The following YWHAZ variants were observed in gnomAD, a reference collection of about 807,000 sequenced individuals.
The protein encoded by YWHAZ is 14-3-3 protein zeta/delta.
For missense variants in YWHAZ, 79 were observed against 284.8 expected (o/e 0.28, Z 5.20); for synonymous variants, 87 against 103.6 (o/e 0.84, Z 0.97).
chr8:100,944,896 A>C (rs565400054), intron 2 of YWHAZ, among the ~76,000 whole-genome samples: 2 of 152,250 alleles, frequency 1.3e-5, no homozygotes, highest in South Asian at 4.1e-4. Context: ...AACTAGTTTG[A>C]CTCAGTATCT....
At chr8:100,921,267 G>C (rs1813007072) in intron 5 of YWHAZ, among the ~76,000 whole-genome samples, 1 of 152,122 alleles carries the variant, frequency 6.6e-6, no homozygotes, top group Admixed American at 6.5e-5. Flanking sequence ...CTGATCTCGT[G>C]ATCCACCCAC....
chr8:100,931,476 A>G (rs1157700542), intron 2 of YWHAZ, among the ~76,000 whole-genome samples: 1 of 152,188 alleles, frequency 6.6e-6, no homozygotes, highest in African/African-American at 2.4e-5. Flanking sequence ...GCTGGTGGCA[A>G]GACTTTAACC....
At chr8:100,952,912 AG>A, upstream of YWHAZ, 1 of 1,000,406 alleles carries the variant, frequency 1.0e-6, no homozygotes, top group Non-Finnish European at 1.2e-6. Flanking sequence ...TGAGGCGTCC[AG>A]CCCCTGAGTG....
intron 2 of YWHAZ, among the ~76,000 whole-genome samples, chr8:100,934,157 CAAAAAAAAAAAAAAAAA>C (rs35069019): frequency 1.3e-5 from 1 of 78,228 alleles, no homozygotes; most frequent in African/African-American, 4.9e-5. Flanking sequence ...AGACTCGTCT[CAAAAAAAAAAAAAAAAA>C]AAAAAAAAAA....
intron 2 of YWHAZ, among the ~76,000 whole-genome samples, chr8:100,944,044 C>T (rs575421637): frequency 2.6e-5 from 4 of 151,372 alleles, no homozygotes; most frequent in Non-Finnish European, 5.9e-5. Flanking sequence ...TTTTTTCCTT[C>T]CTGAGACCAC....
chr8:100,919,024 A>C lies in YWHAZ; in HGVS notation c.*1669T>G, dbSNP rs1408428758. Reference sequence around the variant, plus strand: ...TAGGTAGGGTTTTAAAGGGAGATAAACACAGTCTCATCAACTAAGGAGAGA... The same window carrying C: ...TAGGTAGGGTTTTAAAGGGAGATAACCACAGTCTCATCAACTAAGGAGAGA... On this transcript the variant is annotated 3_prime_UTR_variant, in exon 6 of 6. Transcript: ENST00000395958. 3 of 152,312 alleles carry C rather than the reference A, an allele frequency of 2.0e-5. No homozygotes were observed. The highest frequency in any genetic ancestry group is 4.4e-5 in the Non-Finnish European group (3 of 68,064). The allele number at this position is 152,312 out of a possible 1,614,324, so 9.4% of individuals were successfully genotyped here. A position where few individuals can be genotyped will look rare whatever the true frequency, so the allele number is the denominator to read the frequency against.
chr8:100,950,568 T>G lies in YWHAZ; in HGVS notation c.-12+1361A>C, dbSNP rs1364024844. 3.0e-6 allele frequency: 3 copies of G among 985,044 alleles called. No homozygotes were observed. In the African/African-American group the frequency reaches 5.3e-5, roughly 17 times the overall value. The allele number at this position is 985,044 out of a possible 1,614,324, so 61.0% of individuals were successfully genotyped here. Reference sequence around the variant, plus strand: ...CTCCTCCTTTGTCATGGCGGATCTGTGTCAGGGAGCCCAACCTACTGCAGA... The same window carrying G: ...CTCCTCCTTTGTCATGGCGGATCTGGGTCAGGGAGCCCAACCTACTGCAGA... On this transcript the variant is annotated intron_variant, in intron 1 of 5. Coordinates refer to ENST00000395958, the MANE Select transcript of YWHAZ (RefSeq NM_145690.3).
At chr8:100,926,866 GT>G (rs1371705435) in intron 2 of YWHAZ, among the ~76,000 whole-genome samples, 2 of 152,158 alleles carry the variant, frequency 1.3e-5, no homozygotes, top group Non-Finnish European at 2.9e-5. Context: ...AAAAACAATG[GT>G]TTTAAGAAAC....
rs1229764242 is a variant in YWHAZ, at chr8:100,918,499, G to T, written c.*2194C>A. 7.2e-6 allele frequency: 1 copy of T among 138,416 alleles called. No individual in the cohort carries two copies. The highest frequency in any genetic ancestry group is 1.5e-5 in the Non-Finnish European group (1 of 65,190). The allele number at this position is 138,416 out of a possible 1,614,324, so 8.6% of individuals were successfully genotyped here. A position where few individuals can be genotyped will look rare whatever the true frequency, so the allele number is the denominator to read the frequency against. The stretch of plus-strand genomic sequence containing the variant: ...GGAGAAATCAGTAAGTGAGGTAAAA[G>T]AAAGAGCTGCGAGGGAAAAGGATTG... On this transcript the variant is annotated 3_prime_UTR_variant, in exon 6 of 6. Transcript: ENST00000395958.
In YWHAZ at chr8:100,948,911, G is replaced by GA. The variant is rs773707610; in HGVS notation, c.-11-12dup. 7.7e-6 allele frequency: 12 copies of GA among 1,548,716 alleles called. No individual in the cohort carries two copies. Among genetic ancestry groups the GA allele is most frequent in the Admixed American group, 4.1e-5 (2 of 48,532 alleles). ...CCATGACTGGATGTTCTGCAGGGGGGAAAAAAGGAGTATTTAAAATTTTTC... is the reference window on the plus strand; with the variant it reads ...CCATGACTGGATGTTCTGCAGGGGGGAAAAAAAGGAGTATTTAAAATTTTTC... On this transcript the variant is annotated splice_polypyrimidine_tract_variant and intron_variant, in intron 1 of 5. Transcript: ENST00000395958. This position sits in a 1 kb window ranked among gnomAD's most constrained non-coding sequence, Gnocchi z 4.2.
upstream of YWHAZ, chr8:100,953,281 T>A: frequency 1.0e-6 from 1 of 985,400 alleles, no homozygotes; most frequent in Non-Finnish European, 1.2e-6. Context: ...TTTTATCTCC[T>A]AGAAGCAAGG....
intron 2 of YWHAZ, among the ~76,000 whole-genome samples, chr8:100,934,162 A>C (rs1276659663): frequency 1.6e-5 from 2 of 124,776 alleles, no homozygotes; most frequent in African/African-American, 7.0e-5. Flanking sequence ...CGTCTCAAAA[A>C]AAAAAAAAAA....
intron 5 of YWHAZ, among the ~76,000 whole-genome samples, chr8:100,921,704 C>G (rs1021556537): frequency 1.3e-5 from 2 of 152,148 alleles, no homozygotes; most frequent in African/African-American, 4.8e-5. Flanking sequence ...TCATATGATT[C>G]AAAATAAATG....
rs947560974 is a variant in YWHAZ, at chr8:100,917,844, G to A, written c.*2849C>T. The A allele has an allele frequency of 3.3e-5, 5 of 152,146 alleles. No individual in the cohort carries two copies. The highest frequency in any genetic ancestry group is 2.1e-4 in the South Asian group (1 of 4,836). 9.4% of individuals were successfully genotyped at this position (152,146 alleles called of 1,614,324 possible). On this transcript the variant is annotated 3_prime_UTR_variant, in exon 6 of 6. Coordinates refer to ENST00000395958, the MANE Select transcript of YWHAZ (RefSeq NM_145690.3). ...AAAGCCTGGATTTGGGACAATCAAG[G>A]AATAGTTACAAACACATTATTCAAA...
intron 2 of YWHAZ, among the ~76,000 whole-genome samples, chr8:100,928,454 AGGTGT>A (rs1813520722): frequency 6.6e-6 from 1 of 152,124 alleles, no homozygotes; most frequent in African/African-American, 2.4e-5. Context: ...ATTTTCTGCC[AGGTGT>A]GGTGGTTCAT....
At chr8:100,952,673 T>G, upstream of YWHAZ, 11 of 557,636 alleles carry the variant, frequency 2.0e-5, no homozygotes, top group Non-Finnish European at 2.3e-5. Context: ...GGCTCCGGCA[T>G]TGTGATCAGG....
At chr8:100,947,634 C>A (rs926747737) in intron 2 of YWHAZ, among the ~76,000 whole-genome samples, 1 of 152,242 alleles carries the variant, frequency 6.6e-6, no homozygotes, top group African/African-American at 2.4e-5. Flanking sequence ...CCCACAACCA[C>A]ATCAGACATT....
chr8:100,952,042 G>T, upstream of YWHAZ: 1 of 990,046 alleles, frequency 1.0e-6, no homozygotes, highest in Non-Finnish European at 1.2e-6. Flanking sequence ...CTGCTCACAG[G>T]CTACAGCCGC....
intron 2 of YWHAZ, among the ~76,000 whole-genome samples, chr8:100,927,551 G>A (rs1475655783): frequency 2.0e-5 from 3 of 152,142 alleles, no homozygotes; most frequent in East Asian, 3.8e-4. Context: ...GCCTAATCAC[G>A]TCTTTCACTT....
Sources: gnomAD v4.1 joint callset for allele counts (sites outside exome capture counted in the v4.1 genomes callset) on GRCh38, gnomAD v4.1.1 for gene constraint, Gnocchi (gnomAD v3.1) non-coding constraint, MANE v1.5 for transcripts, NCBI Gene and HGNC (gene_info 2026-07-23, HGNC 2026-07-21) for gene names.